The following MAP3K9 variants were observed in gnomAD, a reference collection of about 807,000 sequenced individuals.
The protein encoded by MAP3K9 is mitogen-activated protein kinase kinase kinase 9.
Under a neutral mutation model 95.8 loss-of-function variants are expected in MAP3K9, and 46 were observed. The observed-to-expected ratio is 0.48, with a 90% confidence interval of 0.38 to 0.61. The LOEUF is 0.61. Among genes scored for constraint, MAP3K9 ranks in the 20% least tolerant of loss-of-function variants. The pLI is 0.00. For synonymous variants in MAP3K9, 533 were observed against 593.8 expected (o/e 0.90, Z 1.49); for missense variants, 1,296 against 1,474.3 (o/e 0.88, Z 1.98).
At position 70,730,505 on chromosome 14, in the gene MAP3K9, C is replaced by T. The variant is rs745327663; in HGVS notation, c.3190G>A (p.Glu1064Lys). ...PFQAGPLPPTERTLLDLDAEG... is the reference protein window; with the variant it reads ...PFQAGPLPPTKRTLLDLDAEG... The stretch of plus-strand genomic sequence containing the variant: ...GCATCCAGGTCCAGGAGCGTCCGCT[C>T]AGTCGGGGGCAGCGGCCCTGCCTGG... Residue 1064 changes from glutamate to lysine, a missense_variant, in exon 12 of 12, where the codon GAG (glutamate) becomes AAG (lysine). By Grantham distance (56) the Glu-to-Lys change is moderately conservative (BLOSUM62 1). Coordinates refer to ENST00000554752, the MANE Select transcript of MAP3K9 (RefSeq NM_001284230.2). The T allele has an allele frequency of 1.2e-6, 2 of 1,614,036 alleles. No homozygotes were observed. The highest frequency in any genetic ancestry group is 1.3e-5 in the African/African-American group (1 of 75,074).
intron 3 of MAP3K9, among the ~76,000 whole-genome samples, chr14:70,752,399 G>A (rs1044983102): frequency 2.0e-5 from 3 of 152,172 alleles, no homozygotes; most frequent in African/African-American, 7.2e-5. Flanking sequence ...TGTGGGTATG[G>A]GAGTGAGCGC....
At chr14:70,801,225 A>C in intron 1 of MAP3K9, 145 bp from the exon 2 acceptor site, 7 of 734,944 alleles carry the variant, frequency 9.5e-6, no homozygotes, top group Middle Eastern at 2.7e-4. Context: ...AAATTCCATA[A>C]GGGCAGGAAC....
intron 2 of MAP3K9, among the ~76,000 whole-genome samples, chr14:70,764,531 TAAA>T (rs918299925): frequency 1.4e-5 from 2 of 145,400 alleles, no homozygotes; most frequent in African/African-American, 5.0e-5. Context: ...CCAGGCTCTT[TAAA>T]AAAAAAAAAA....
intron 2 of MAP3K9, among the ~76,000 whole-genome samples, chr14:70,798,471 GTTTTTTTTTTTT>G (rs1170327816): frequency 4.6e-5 from 3 of 65,438 alleles, no homozygotes; most frequent in African/African-American, 1.2e-4. Context: ...GTCACCAAAA[GTTTTTTTTTTTT>G]TTTTTTTTTT....
rs2053875013 is a variant in MAP3K9, at chr14:70,730,225, T to C, written c.*155A>G. 3.6e-6 allele frequency: 4 copies of C among 1,104,892 alleles called. No individual in the cohort carries two copies. In the African/African-American group the frequency reaches 6.3e-5, roughly 17 times the overall value. The allele number at this position is 1,104,892 out of a possible 1,614,324, so 68.4% of individuals were successfully genotyped here. On this transcript the variant is annotated 3_prime_UTR_variant, in exon 12 of 12. Coordinates refer to ENST00000554752, the MANE Select transcript of MAP3K9 (RefSeq NM_001284230.2). Reference sequence around the variant, plus strand: ...CTGCAGGGCAGGAGACCCTCTGAAGTGGCCCTGTTTCCATCCCTTCCATCT... The same window carrying C: ...CTGCAGGGCAGGAGACCCTCTGAAGCGGCCCTGTTTCCATCCCTTCCATCT...
Position 70,725,935 on chromosome 14 carries a change from A to T in MAP3K9, c.*4445T>A, listed in dbSNP as rs972172851. On this transcript the variant is annotated 3_prime_UTR_variant, in exon 12 of 12. Transcript: ENST00000554752. ...CCCCAGGACCATACATTTGAAAGTT[A>T]GAAGGGCTTCAGGAGGGAAAGTAGA... 4 of 152,272 alleles carry T rather than the reference A, an allele frequency of 2.6e-5. No homozygotes were observed. The highest frequency in any genetic ancestry group is 9.6e-5 in the African/African-American group (4 of 41,484). 9.4% of individuals were successfully genotyped at this position (152,272 alleles called of 1,614,324 possible). A position where few individuals can be genotyped will look rare whatever the true frequency, so the allele number is the denominator to read the frequency against.
intron 1 of MAP3K9, among the ~76,000 whole-genome samples, chr14:70,806,356 G>GTACAGTATCTATC (rs1255888626): frequency 6.6e-6 from 1 of 152,134 alleles, no homozygotes; most frequent in Non-Finnish European, 1.5e-5. Flanking sequence ...TTAACACAGT[G>GTACAGTATCTATC]TACAGTATCT....
At chr14:70,734,297 G>A (rs1404165897) in intron 10 of MAP3K9, 89 bp downstream of exon 10, 1 of 852,590 alleles carries the variant, frequency 1.2e-6, no homozygotes, top group African/African-American at 1.7e-5. Flanking sequence ...AGCAGTGCTA[G>A]GGGTCCTTAA....
At chr14:70,793,335 T>C (rs866351091) in intron 2 of MAP3K9, among the ~76,000 whole-genome samples, 2 of 152,176 alleles carry the variant, frequency 1.3e-5, no homozygotes, top group Non-Finnish European at 2.9e-5. Flanking sequence ...AAACAGGTGG[T>C]TGGGCTCAGA....
At position 70,760,306 on chromosome 14, in the gene MAP3K9, T is replaced by C. The variant is rs17108485; in HGVS notation, c.1001+696A>G. On this transcript the variant is annotated intron_variant, in intron 3 of 11. Coordinates refer to ENST00000554752, the MANE Select transcript of MAP3K9 (RefSeq NM_001284230.2). ...AGCCATGACAACATATACTAGGTAG[T>C]TGCTCATCCTTCCTCAGCTGGGAAA... Among the ~76,000 whole-genome samples, 968 of 152,302 alleles carry C rather than the reference T, an allele frequency of 6.4e-3. 11 individuals carry two copies. The highest frequency in any genetic ancestry group is 0.021 in the African/African-American group (880 of 41,546).
chr14:70,745,660 C>T (rs2054136282), intron 5 of MAP3K9, among the ~76,000 whole-genome samples: 1 of 151,922 alleles, frequency 6.6e-6, no homozygotes, highest in Admixed American at 6.6e-5. Context: ...ATTGCTTGAA[C>T]CCGGGAGGTG....
intron 9 of MAP3K9, 74 bp from the exon 10 acceptor site, chr14:70,734,572 T>C (rs1170770185): frequency 1.2e-6 from 1 of 817,002 alleles, no homozygotes; most frequent in Non-Finnish European, 2.0e-6. Context: ...CATGGGTCTA[T>C]GGAGACGTTT....
intron 4 of MAP3K9, 164 bp downstream of exon 4, chr14:70,749,769 G>A: frequency 1.4e-6 from 1 of 725,616 alleles, no homozygotes; most frequent in Non-Finnish European, 2.2e-6. Context: ...GGGTGTGGAT[G>A]TCATCTTGAA....
chr14:70,776,067 T>A (rs1436138667), intron 2 of MAP3K9, among the ~76,000 whole-genome samples: 1 of 152,102 alleles, frequency 6.6e-6, no homozygotes. Context: ...CGGGCGCCTG[T>A]AATCCCAGCT....
intron 11 of MAP3K9, among the ~76,000 whole-genome samples, chr14:70,731,833 C>T (rs1033257015): frequency 2.6e-5 from 4 of 152,212 alleles, no homozygotes; most frequent in African/African-American, 9.6e-5. Context: ...TATTACTATG[C>T]CCCCTTTTCC....
Position 70,724,210 on chromosome 14 carries a change from A to G in MAP3K9, c.*6170T>C, listed in dbSNP as rs996323606. The G allele has an allele frequency of 6.6e-6, 1 of 152,228 alleles. No homozygotes were observed. The highest frequency in any genetic ancestry group is 2.4e-5 in the African/African-American group (1 of 41,450). 9.4% of individuals were successfully genotyped at this position (152,228 alleles called of 1,614,324 possible). A position where few individuals can be genotyped will look rare whatever the true frequency, so the allele number is the denominator to read the frequency against. On this transcript the variant is annotated 3_prime_UTR_variant, in exon 12 of 12. Transcript: ENST00000554752. ...TCTGCCATAATCACTTCCCTTCTCC[A>G]GAGAACACACACACACACAAGTGCC...
intron 2 of MAP3K9, among the ~76,000 whole-genome samples, chr14:70,795,020 GACTC>G (rs2054848543): frequency 3.4e-5 from 2 of 58,834 alleles, no homozygotes; most frequent in Non-Finnish European, 6.9e-5. Context: ...TTGAGATAGA[GACTC>G]ACTCTGTTGC....
At chr14:70,768,218 A>G (rs1202510583) in intron 2 of MAP3K9, among the ~76,000 whole-genome samples, 1 of 152,192 alleles carries the variant, frequency 6.6e-6, no homozygotes, top group East Asian at 1.9e-4. Flanking sequence ...CCATGATGTG[A>G]TTATTATGCA....
At position 70,738,360 on chromosome 14, in the gene MAP3K9, AGCTCCT is replaced by A. The variant is rs775603777; in HGVS notation, c.1723_1728del (p.Arg575_Ser576del). The A allele has an allele frequency of 5.0e-6, 8 of 1,613,716 alleles. No homozygotes were observed. Among genetic ancestry groups the A allele is most frequent in the Middle Eastern group, 1.6e-4 (1 of 6,082 alleles). On this transcript the variant is annotated inframe_deletion, in exon 8 of 12. Transcript: ENST00000554752. Reference sequence around the variant, plus strand: ...TCCCCTTCCTCCTTTGGGACGACTGAGCTCCTGCCCCAGGTTTTGCTGCTTTCACCT... The same window carrying A: ...TCCCCTTCCTCCTTTGGGACGACTGAGCCCCAGGTTTTGCTGCTTTCACCT...
Sources: gnomAD v4.1 joint callset for allele counts (sites outside exome capture counted in the v4.1 genomes callset) on GRCh38, gnomAD v4.1.1 for gene constraint, MANE v1.5 for transcripts, NCBI Gene and HGNC (gene_info 2026-07-23, HGNC 2026-07-21) for gene names.